Variants in SDK1 observed in about 807,000 individuals in gnomAD.
SDK1 encodes sidekick cell adhesion molecule 1.
SDK1 carries 157 observed loss-of-function variants against 245.5 expected under a neutral mutation model. That is an observed-to-expected ratio of 0.64 (90% CI 0.56 to 0.73). The LOEUF is 0.73. Among genes scored for constraint, SDK1 ranks in the 30% least tolerant of loss-of-function variants. The pLI is 0.00. For synonymous variants in SDK1, 1,647 were observed against 1,278.5 expected, an observed-to-expected ratio of 1.29 and a Z score of -6.15; for missense variants, 3,583 against 3,002.3, an observed-to-expected ratio of 1.19 and a Z score of -4.52.
chr7:3,379,048 G>A (rs1781421175), intron 1 of SDK1, among the ~76,000 whole-genome samples: 1 of 152,124 alleles, frequency 6.6e-6, no homozygotes, highest in Admixed American at 6.5e-5. Context: ...GGCCTGTGCT[G>A]CACTGATAAT....
chr7:4,166,366 G>A (rs1056128412), intron 32 of SDK1, among the ~76,000 whole-genome samples: 6 of 152,252 alleles, frequency 3.9e-5, no homozygotes, highest in East Asian at 1.9e-4. Context: ...TTCATTAAGC[G>A]CAGTGGGCTC....
In SDK1 at chr7:4,220,812, C is replaced by T. The variant is rs148136024; in HGVS notation, c.5702-427C>T. Among the ~76,000 whole-genome samples the T allele has an allele frequency of 2.1e-3, 317 of 152,108 alleles. 1 individual carries two copies. The highest frequency in any genetic ancestry group is 7.3e-3 in the African/African-American group (305 of 41,500). On this transcript the variant is annotated intron_variant, in intron 39 of 44. Transcript: ENST00000404826. ...TTTGAGACAGGGTCTCACTCTGTCA[C>T]CCAAGCTGGAGTGCAGCAGCATGAT...
intron 1 of SDK1, among the ~76,000 whole-genome samples, chr7:3,415,589 C>T (rs543718976): frequency 6.6e-6 from 1 of 151,884 alleles, no homozygotes; most frequent in Non-Finnish European, 1.5e-5. Context: ...CCCATATACA[C>T]ACACAGAAGT....
rs76016492 is a variant in SDK1 at position 3,328,936 on chromosome 7, G to C, written c.298+27052G>C. Reference sequence around the variant, plus strand: ...ATTTTTCTAAGAAAATCAAAAGGTAGATTCCTAGCATGGAAATGTAAGGAA... The same window carrying C: ...ATTTTTCTAAGAAAATCAAAAGGTACATTCCTAGCATGGAAATGTAAGGAA... On this transcript the variant is annotated intron_variant, in intron 1 of 44. Coordinates refer to ENST00000404826, the MANE Select transcript of SDK1 (RefSeq NM_152744.4). Among the ~76,000 whole-genome samples the C allele has an allele frequency of 6.4e-3, 969 of 152,210 alleles. 12 individuals are homozygous for C. Among genetic ancestry groups the C allele is most frequent in the African/African-American group, 0.022 (920 of 41,544 alleles).
At chr7:4,237,406 A>T (rs1053556219) in intron 41 of SDK1, among the ~76,000 whole-genome samples, 2 of 151,996 alleles carry the variant, frequency 1.3e-5, no homozygotes, top group African/African-American at 2.4e-5. Context: ...CCTGAGCCTG[A>T]TCCCACAGAA....
At chr7:3,979,006 G>A (rs1783186664) in intron 13 of SDK1, among the ~76,000 whole-genome samples, 1 of 152,230 alleles carries the variant, frequency 6.6e-6, no homozygotes, top group Non-Finnish European at 1.5e-5. Context: ...CATTGAGGCT[G>A]AGTGGAGGGG....
intron 5 of SDK1, among the ~76,000 whole-genome samples, chr7:3,941,630 C>A (rs530280645): frequency 6.6e-6 from 1 of 152,316 alleles, no homozygotes; most frequent in South Asian, 2.1e-4. Flanking sequence ...GAAGAACTGA[C>A]CTCAACGCCA....
At chr7:3,674,343 C>G (rs1049602610) in intron 4 of SDK1, among the ~76,000 whole-genome samples, 1 of 152,050 alleles carries the variant, frequency 6.6e-6, no homozygotes, top group Non-Finnish European at 1.5e-5. Flanking sequence ...ACCCCACGTC[C>G]AAGTCCAAAG....
At chr7:4,234,387 A>G (rs1029941967) in intron 41 of SDK1, among the ~76,000 whole-genome samples, 9 of 152,138 alleles carry the variant, frequency 5.9e-5, no homozygotes, top group African/African-American at 1.9e-4. Context: ...CCCGTGTTAG[A>G]TGACAGACAT....
chr7:3,817,688 T>G (rs1779543703), intron 4 of SDK1, among the ~76,000 whole-genome samples: 1 of 152,022 alleles, frequency 6.6e-6, no homozygotes, highest in Non-Finnish European at 1.5e-5. Flanking sequence ...AAGGTGGCCC[T>G]CCCTCCCCCA....
intron 1 of SDK1, among the ~76,000 whole-genome samples, chr7:3,470,432 A>G (rs1179946772): frequency 6.6e-6 from 1 of 152,148 alleles, no homozygotes; most frequent in Non-Finnish European, 1.5e-5. Flanking sequence ...TTGTAATCAA[A>G]CAATTTAATT....
Position 4,206,124 on chromosome 7 carries a change from G to T in SDK1, c.5214+130G>T, listed in dbSNP as rs554140947. On this transcript the variant is annotated intron_variant, in intron 36 of 44. Transcript: ENST00000404826. The stretch of plus-strand genomic sequence containing the variant: ...CCTGGAGAGCTGGGGCCCAAGCGTC[G>T]GAGCTTGGCTAGACCTGGCCTGTTA... The T allele has an allele frequency of 4.4e-5, 28 of 640,890 alleles. No homozygotes were observed. In the South Asian group the frequency reaches 5.5e-4, roughly 13 times the overall value. The allele number at this position is 640,890 out of a possible 1,614,324, so 39.7% of individuals were successfully genotyped here. A position where few individuals can be genotyped will look rare whatever the true frequency, so the allele number is the denominator to read the frequency against.
intron 1 of SDK1, among the ~76,000 whole-genome samples, chr7:3,429,708 C>T (rs941601635): frequency 4.0e-5 from 6 of 151,770 alleles, no homozygotes; most frequent in Admixed American, 1.3e-4. Flanking sequence ...GCAATCCTCC[C>T]GCCTCAGCCT....
At chr7:3,715,441 A>T (rs567835155) in intron 4 of SDK1, among the ~76,000 whole-genome samples, 2 of 152,290 alleles carry the variant, frequency 1.3e-5, no homozygotes, top group South Asian at 4.1e-4. Context: ...TGATAGCCCA[A>T]AGATATCCTC....
At chr7:3,490,239 G>A (rs1781827647) in intron 1 of SDK1, among the ~76,000 whole-genome samples, 1 of 152,152 alleles carries the variant, frequency 6.6e-6, no homozygotes, top group Non-Finnish European at 1.5e-5. Flanking sequence ...GGATTATTAA[G>A]TTCTTTTCAT....
At chr7:3,938,121 G>A (rs928664684) in intron 5 of SDK1, among the ~76,000 whole-genome samples, 1 of 152,202 alleles carries the variant, frequency 6.6e-6, no homozygotes, top group South Asian at 2.1e-4. Flanking sequence ...ACAGGCATAA[G>A]CTACCGCACC....
intron 1 of SDK1, among the ~76,000 whole-genome samples, chr7:3,617,528 G>T (rs1407065096): frequency 6.6e-6 from 1 of 152,206 alleles, no homozygotes. Flanking sequence ...TTCTGCTGCT[G>T]TAACAGACTG....
intron 7 of SDK1, among the ~76,000 whole-genome samples, chr7:3,953,565 T>A (rs1780999662): frequency 6.6e-6 from 1 of 152,236 alleles, no homozygotes; most frequent in Non-Finnish European, 1.5e-5. Flanking sequence ...AAATTAAAAT[T>A]TGCGACGTGT....
intron 1 of SDK1, among the ~76,000 whole-genome samples, chr7:3,520,086 G>C (rs530522064): frequency 6.6e-6 from 1 of 152,144 alleles, no homozygotes; most frequent in Non-Finnish European, 1.5e-5. Flanking sequence ...ATTTAATTCT[G>C]TTTTTGCCAT....
Sources: allele counts gnomAD v4.1 joint callset (sites outside exome capture counted in the v4.1 genomes callset), GRCh38; gene constraint gnomAD v4.1.1; transcripts MANE v1.5; gene names NCBI Gene and HGNC (gene_info 2026-07-23, HGNC 2026-07-21).